Variants in FOXP2 observed in about 807,000 individuals in gnomAD.
The protein encoded by FOXP2 is forkhead box P2, also known as forkhead box protein P2.
FOXP2 carries 12 observed loss-of-function variants against 115.8 expected under a neutral mutation model. The observed-to-expected ratio is 0.10, with a 90% CI of 0.07 to 0.17. The LOEUF is 0.17. Ranked by LOEUF, FOXP2 falls within the 10% of genes least tolerant of loss-of-function variation. The pLI is 1.00. For synonymous variants in FOXP2, 328 were observed against 297.7 expected, an observed-to-expected ratio of 1.10 and a Z score of -1.05; for missense variants, 629 against 843.5, an observed-to-expected ratio of 0.75 and a Z score of 3.15.
At chr7:114,481,802 A>ATCTG (rs1441456256) in intron 2 of FOXP2, among the ~76,000 whole-genome samples, 7 of 149,474 alleles carry the variant, frequency 4.7e-5, no homozygotes, top group South Asian at 2.1e-4. Flanking sequence ...CTATCTATCT[A>ATCTG]TCTATCTATA....
chr7:114,290,441 C>A (rs1359524356), intron 2 of FOXP2, among the ~76,000 whole-genome samples: 1 of 151,980 alleles, frequency 6.6e-6, no homozygotes, highest in Non-Finnish European at 1.5e-5. Context: ...AATGAAATAT[C>A]AGTTTTAGTT....
At chr7:114,650,976 A>G (rs891271841) in intron 8 of FOXP2, among the ~76,000 whole-genome samples, 3 of 152,218 alleles carry the variant, frequency 2.0e-5, no homozygotes, top group South Asian at 4.1e-4. Flanking sequence ...TGTTTATAAT[A>G]AAATTAGTTT....
chr7:114,471,563 A>G (rs1255728583), intron 2 of FOXP2, among the ~76,000 whole-genome samples: 1 of 152,190 alleles, frequency 6.6e-6, no homozygotes, highest in African/African-American at 2.4e-5. Flanking sequence ...TTCCTCATGA[A>G]AAGTTTCTTG....
intron 2 of FOXP2, among the ~76,000 whole-genome samples, chr7:114,508,544 A>C (rs1224682194): frequency 6.6e-6 from 1 of 152,062 alleles, no homozygotes; most frequent in Non-Finnish European, 1.5e-5. Context: ...ATAGAACCCA[A>C]GAAATCTCCT....
At chr7:114,297,241 A>G in intron 2 of FOXP2, 1 of 472,728 alleles carries the variant, frequency 2.1e-6, no homozygotes. Context: ...GTCCTTGGAG[A>G]CCTTCAGTGA....
Position 114,132,586 on chromosome 7 carries a change from A to C in FOXP2, c.-246-30358A>C, listed in dbSNP as rs1336653058. 6.4e-5 allele frequency among the ~76,000 whole-genome samples: 9 copies of C among 140,716 alleles called. No individual in the cohort carries two copies. The South Asian group carries it at 2.1e-3, about 33-fold the overall frequency. The allele number at this position is 140,716 out of a possible 152,430, so 92.3% of individuals were successfully genotyped here. Reference sequence around the variant, plus strand: ...GTGTGTGTGTGTGTGTGTGTGTGAGAGAGAGAGAGAGAGAGAGAGAGAGAG... The same window carrying C: ...GTGTGTGTGTGTGTGTGTGTGTGAGCGAGAGAGAGAGAGAGAGAGAGAGAG... On this transcript the variant is annotated intron_variant, in intron 1 of 19. Coordinates refer to the FOXP2 transcript ENST00000635638.
intron 2 of FOXP2, among the ~76,000 whole-genome samples, chr7:114,509,759 A>G (rs1412723651): frequency 1.3e-5 from 2 of 152,080 alleles, no homozygotes; most frequent in Non-Finnish European, 2.9e-5. Flanking sequence ...GATCAAGGCA[A>G]ATGGACAAAT....
chr7:114,345,595 G>A (rs1791327609), intron 2 of FOXP2, among the ~76,000 whole-genome samples: 3 of 151,716 alleles, frequency 2.0e-5, no homozygotes, highest in Non-Finnish European at 4.4e-5. Context: ...TAGTATGGCT[G>A]TTGAAATCTA....
At chr7:114,672,708 T>C (rs1472043467) in intron 16 of FOXP2, among the ~76,000 whole-genome samples, 1 of 152,152 alleles carries the variant, frequency 6.6e-6, no homozygotes, top group Non-Finnish European at 1.5e-5. Flanking sequence ...TGTGGTTTAA[T>C]TTGAGCAAAG....
At chr7:114,312,430 C>T (rs1353492436) in intron 2 of FOXP2, among the ~76,000 whole-genome samples, 2 of 152,134 alleles carry the variant, frequency 1.3e-5, no homozygotes, top group Non-Finnish European at 2.9e-5. Flanking sequence ...TAGGTGAGAA[C>T]ATTCACTTAT....
rs543315533 is a variant in FOXP2, at chr7:114,419,569, A to G, written c.-11+4209A>G. On this transcript the variant is annotated intron_variant, in intron 1 of 16. Transcript: ENST00000350908. ...TAGATCAGACCATGGTATGAGTGTGACTCATGCTAACATTAGTGGAAGCTA... is the reference window on the plus strand; with the variant it reads ...TAGATCAGACCATGGTATGAGTGTGGCTCATGCTAACATTAGTGGAAGCTA... Among the ~76,000 whole-genome samples the G allele has an allele frequency of 5.0e-4, 76 of 151,988 alleles. 2 individuals are homozygous for G. Among genetic ancestry groups the G allele is most frequent in the Middle Eastern group, 3.4e-3 (1 of 294 alleles).
In FOXP2 at chr7:114,631,542, G is replaced by GCAGCAGCAA; in HGVS notation, c.618_626dup (p.Gln207_Gln209dup). The GCAGCAGCAA allele has an allele frequency of 6.3e-7, 1 of 1,577,450 alleles. No homozygotes were observed. Among genetic ancestry groups the GCAGCAGCAA allele is most frequent in the East Asian group, 2.3e-5 (1 of 42,948 alleles). The stretch of plus-strand genomic sequence containing the variant: ...TCTGATACCAGCAGCAGCAGCAGCA[G>GCAGCAGCAA]CAGCAGCAACAGCAATTGGCAGCCC... On this transcript the variant is annotated inframe_insertion, in exon 6 of 17. Coordinates refer to ENST00000350908, the MANE Select transcript of FOXP2 (RefSeq NM_014491.4).
chr7:114,535,819 T>G (rs1454058585), intron 3 of FOXP2, among the ~76,000 whole-genome samples: 1 of 151,702 alleles, frequency 6.6e-6, no homozygotes, highest in East Asian at 1.9e-4. Context: ...AAGGGATGTT[T>G]CAACAGAGTA....
intron 2 of FOXP2, among the ~76,000 whole-genome samples, chr7:114,363,441 G>A (rs1265178783): frequency 2.0e-5 from 3 of 152,060 alleles, no homozygotes; most frequent in Non-Finnish European, 4.4e-5. Flanking sequence ...TATGTCAGTG[G>A]CATAAGGCGA....
intron 2 of FOXP2, among the ~76,000 whole-genome samples, chr7:114,461,503 A>G (rs1181222571): frequency 6.6e-6 from 1 of 151,940 alleles, no homozygotes; most frequent in African/African-American, 2.4e-5. Context: ...TATCAAGACT[A>G]CTGTTCACCT....
intron 2 of FOXP2, among the ~76,000 whole-genome samples, chr7:114,295,952 C>G (rs749646830): frequency 3.9e-5 from 6 of 152,044 alleles, no homozygotes; most frequent in Non-Finnish European, 5.9e-5. Context: ...GCTCACTGAA[C>G]CATTTTATTG....
intron 2 of FOXP2, among the ~76,000 whole-genome samples, chr7:114,473,219 G>T (rs577632684): frequency 1.3e-5 from 2 of 152,066 alleles, no homozygotes; most frequent in Non-Finnish European, 2.9e-5. Context: ...CTGACTAGAT[G>T]GACACTGATT....
At position 114,408,305 on chromosome 7, in the gene FOXP2, A is replaced by G. The variant is rs111589561; in HGVS notation, c.-10-18197A>G. ...CTTGATTATTTTTAAGTTTAAATTTATGTAACACATAGTTTCTCACTATAA... is the reference window on the plus strand; with the variant it reads ...CTTGATTATTTTTAAGTTTAAATTTGTGTAACACATAGTTTCTCACTATAA... On this transcript the variant is annotated intron_variant, in intron 2 of 17. Coordinates refer to the FOXP2 transcript ENST00000634411. Among the ~76,000 whole-genome samples the G allele has an allele frequency of 7.9e-3, 1,198 of 152,286 alleles. 13 individuals carry two copies. Among genetic ancestry groups the G allele is most frequent in the African/African-American group, 0.027 (1,110 of 41,568 alleles).
chr7:114,334,295 A>C (rs1029015802), intron 2 of FOXP2, among the ~76,000 whole-genome samples: 14 of 152,054 alleles, frequency 9.2e-5, no homozygotes, highest in Non-Finnish European at 1.6e-4. Flanking sequence ...TGAAAGATAC[A>C]CACCTGTCCT....
Sources: allele counts gnomAD v4.1 joint callset (sites outside exome capture counted in the v4.1 genomes callset), GRCh38; gene constraint gnomAD v4.1.1; transcripts MANE v1.5; gene names NCBI Gene and HGNC (gene_info 2026-07-23, HGNC 2026-07-21).